Variants in HCN1 observed in about 807,000 individuals in gnomAD.
The protein encoded by HCN1 is hyperpolarization activated cyclic nucleotide gated potassium channel 1, also known as potassium/sodium hyperpolarization-activated cyclic nucleotide-gated channel 1.
Under a neutral mutation model 78.9 loss-of-function variants are expected in HCN1, and 13 were observed. The ratio of observed to expected loss-of-function variants is 0.16; its 90% confidence interval spans 0.11 to 0.26. The LOEUF (loss-of-function observed/expected upper bound fraction) is 0.26. Ranked by LOEUF, HCN1 falls within the 10% of genes least tolerant of loss-of-function variation. HCN1 has a pLI of 1.00. For missense variants in HCN1, 810 were observed against 1,154.3 expected, an observed-to-expected ratio of 0.70 and a Z score of 4.32; for synonymous variants, 552 against 455.5, an observed-to-expected ratio of 1.21 and a Z score of -2.70.
chr5:45,580,228 G>A (rs1185055063), intron 2 of HCN1, among the ~76,000 whole-genome samples: 1 of 152,088 alleles, frequency 6.6e-6, no homozygotes, highest in Non-Finnish European at 1.5e-5. Context: ...AGATTACCTT[G>A]GATTGTCCAT....
At chr5:45,401,378 T>G (rs949489785) in intron 3 of HCN1, among the ~76,000 whole-genome samples, 1 of 152,186 alleles carries the variant, frequency 6.6e-6, no homozygotes, top group African/African-American at 2.4e-5. Flanking sequence ...AATGCCTCCT[T>G]GAAGACTGGG....
intron 5 of HCN1, among the ~76,000 whole-genome samples, chr5:45,335,422 A>T (rs765062546): frequency 6.6e-6 from 1 of 152,068 alleles, no homozygotes; most frequent in East Asian, 1.9e-4. Flanking sequence ...ACATTTCAAT[A>T]TCAAATTTTG....
At position 45,391,437 on chromosome 5, in the gene HCN1, AG is replaced by A. The variant is rs1481471577; in HGVS notation, c.1230+5054del. On this transcript the variant is annotated intron_variant, in intron 4 of 7. Coordinates refer to ENST00000303230, the MANE Select transcript of HCN1 (RefSeq NM_021072.4). ...ATGTAATGAAGATGGGCTATAAAAC[AG>A]GATGTAACTTTTTTCTTTTAAAACT... 8.5e-5 allele frequency among the ~76,000 whole-genome samples: 13 copies of A among 152,286 alleles called. No individual in the cohort carries two copies. In the East Asian group the frequency reaches 1.4e-3, roughly 16 times the overall value.
At chr5:45,516,350 T>C (rs1254185052) in intron 2 of HCN1, among the ~76,000 whole-genome samples, 1 of 151,954 alleles carries the variant, frequency 6.6e-6, no homozygotes, top group African/African-American at 2.4e-5. Context: ...GTACCATCCA[T>C]ATCCCCAGAA....
intron 2 of HCN1, among the ~76,000 whole-genome samples, chr5:45,580,683 C>T (rs906658582): frequency 6.6e-6 from 1 of 152,024 alleles, no homozygotes; most frequent in Non-Finnish European, 1.5e-5. Context: ...TGCTATTTCT[C>T]TCCCCTCCGC....
At chr5:45,541,861 TAGC>T (rs1438382095) in intron 2 of HCN1, among the ~76,000 whole-genome samples, 1 of 152,144 alleles carries the variant, frequency 6.6e-6, no homozygotes, top group Non-Finnish European at 1.5e-5. Flanking sequence ...ACAAGTTAAT[TAGC>T]TTAAACATAA....
intron 5 of HCN1, among the ~76,000 whole-genome samples, chr5:45,314,183 G>A (rs1745923149): frequency 6.6e-6 from 1 of 152,160 alleles, no homozygotes; most frequent in Non-Finnish European, 1.5e-5. Context: ...AACTCTACAA[G>A]CCAGAAGACA....
intron 6 of HCN1, among the ~76,000 whole-genome samples, chr5:45,282,993 T>G (rs1355551434): frequency 6.6e-6 from 1 of 152,176 alleles, no homozygotes; most frequent in Non-Finnish European, 1.5e-5. Context: ...TTTGTAAAGG[T>G]AATTACAAAC....
chr5:45,432,684 T>C (rs1341979659), intron 3 of HCN1, among the ~76,000 whole-genome samples: 1 of 152,204 alleles, frequency 6.6e-6, no homozygotes, highest in South Asian at 2.1e-4. Flanking sequence ...TTGAGGGCTT[T>C]TCATATGAAG....
chr5:45,294,747 A>C (rs906759803), intron 6 of HCN1, among the ~76,000 whole-genome samples: 1 of 152,072 alleles, frequency 6.6e-6, no homozygotes, highest in Non-Finnish European at 1.5e-5. Flanking sequence ...ATATGAATAG[A>C]TTACAAAACA....
At position 45,551,474 on chromosome 5, in the gene HCN1, A is replaced by G. The variant is rs185167797; in HGVS notation, c.850-89467T>C. 4.7e-3 allele frequency among the ~76,000 whole-genome samples: 722 copies of G among 152,006 alleles called. 2 individuals are homozygous for G. Among genetic ancestry groups the G allele is most frequent in the Non-Finnish European group, 6.6e-3 (447 of 67,896 alleles). ...TCCCAAGATACTAATAAAACTCTCA[A>G]TGTCAACAAGGACATGATATATTTG... On this transcript the variant is annotated intron_variant, in intron 2 of 7. Transcript: ENST00000303230.
At chr5:45,383,704 C>CA (rs1212498407) in intron 4 of HCN1, among the ~76,000 whole-genome samples, 1 of 147,172 alleles carries the variant, frequency 6.8e-6, no homozygotes, top group East Asian at 2.0e-4. Flanking sequence ...GCAAGGGTGA[C>CA]AGAGACAGAT....
At chr5:45,593,340 TCACACACACA>T (rs538486679) in intron 2 of HCN1, among the ~76,000 whole-genome samples, 8 of 125,598 alleles carry the variant, frequency 6.4e-5, no homozygotes, top group African/African-American at 2.5e-4. Flanking sequence ...TCTCTCTCTC[TCACACACACA>T]CACACACACA....
At chr5:45,474,857 C>A (rs182885700) in intron 2 of HCN1, among the ~76,000 whole-genome samples, 3 of 151,284 alleles carry the variant, frequency 2.0e-5, no homozygotes, top group Non-Finnish European at 3.0e-5. Flanking sequence ...TTATTTAGAA[C>A]GAGAATAAAA....
At chr5:45,294,726 T>A (rs948210516) in intron 6 of HCN1, among the ~76,000 whole-genome samples, 1 of 152,044 alleles carries the variant, frequency 6.6e-6, no homozygotes, top group Admixed American at 6.6e-5. Flanking sequence ...AATAGCATGG[T>A]CATATAAAAC....
At chr5:45,373,900 AATATATTACATACGGTATATACATCAT>A (rs1561129889) in intron 4 of HCN1, among the ~76,000 whole-genome samples, 40 of 136,176 alleles carry the variant, frequency 2.9e-4, no homozygotes, top group African/African-American at 7.6e-4. Context: ...TGTCATCTAT[AATATATTACATACGGTATATACATCAT>A]ATATATTACA....
intron 2 of HCN1, among the ~76,000 whole-genome samples, chr5:45,515,665 C>G (rs1255605910): frequency 1.3e-5 from 2 of 151,916 alleles, no homozygotes; most frequent in African/African-American, 4.8e-5. Flanking sequence ...AATGAGGCTA[C>G]AATTCTACTA....
At chr5:45,611,531 C>G (rs967872301) in intron 2 of HCN1, among the ~76,000 whole-genome samples, 1 of 151,864 alleles carries the variant, frequency 6.6e-6, no homozygotes, top group Non-Finnish European at 1.5e-5. Context: ...TTCAGTCTCC[C>G]AAAGTTCTGG....
chr5:45,514,762 T>A (rs1259125095), intron 2 of HCN1, among the ~76,000 whole-genome samples: 1 of 152,026 alleles, frequency 6.6e-6, no homozygotes, highest in Non-Finnish European at 1.5e-5. Context: ...CAAATGTTCA[T>A]GGGATTAATT....
Sources: gnomAD v4.1 joint callset for allele counts (sites outside exome capture counted in the v4.1 genomes callset) on GRCh38, gnomAD v4.1.1 for gene constraint, MANE v1.5 for transcripts, NCBI Gene and HGNC (gene_info 2026-07-23, HGNC 2026-07-21) for gene names.